CLNK: variants seen among roughly 807,000 people sequenced by gnomAD.
CLNK encodes cytokine dependent hematopoietic cell linker, also known as cytokine-dependent hematopoietic cell linker.
A neutral mutation model predicts 68.6 loss-of-function variants in CLNK; 74 were observed. The observed-to-expected ratio is 1.08, with a 90% CI of 0.89 to 1.31. The LOEUF is 1.31. Ranked by LOEUF, CLNK falls within the 50% of genes most tolerant of loss-of-function variation. The pLI is 0.00. For missense variants in CLNK, 553 were observed against 515.3 expected, an observed-to-expected ratio of 1.07 and a Z score of -0.71; for synonymous variants, 198 against 172.2, an observed-to-expected ratio of 1.15 and a Z score of -1.17.
intron 2 of CLNK, among the ~76,000 whole-genome samples, chr4:10,616,783 TGTGTG>T: frequency 7.9e-5 from 1 of 12,686 alleles, no homozygotes; most frequent in Admixed American, 1.2e-3. Context: ...TATATATGTG[TGTGTG>T]TGTATATATA....
At chr4:10,568,812 C>A (rs1210590462) in intron 5 of CLNK, among the ~76,000 whole-genome samples, 1 of 152,188 alleles carries the variant, frequency 6.6e-6, no homozygotes, top group Non-Finnish European at 1.5e-5. Context: ...AACAGGGGAA[C>A]TAGTTGAGCC....
chr4:10,592,123 A>G (rs1169573150), intron 3 of CLNK, among the ~76,000 whole-genome samples: 1 of 152,246 alleles, frequency 6.6e-6, no homozygotes, highest in Non-Finnish European at 1.5e-5. Context: ...GCATTTAGTA[A>G]ATCTGGACGA....
chr4:10,638,346 T>C (rs190303612), intron 2 of CLNK, among the ~76,000 whole-genome samples: 27 of 152,312 alleles, frequency 1.8e-4, no homozygotes, highest in Non-Finnish European at 2.5e-4. Flanking sequence ...GCTCTACTAA[T>C]AATTACTCTG....
chr4:10,614,490 A>C (rs1175256379), intron 2 of CLNK, among the ~76,000 whole-genome samples: 1 of 152,034 alleles, frequency 6.6e-6, no homozygotes, highest in East Asian at 1.9e-4. Context: ...TGGGATTTGG[A>C]ATTGGCTAAC....
intron 14 of CLNK, among the ~76,000 whole-genome samples, chr4:10,523,368 A>C (rs540755351): frequency 6.6e-6 from 1 of 152,104 alleles, no homozygotes; most frequent in African/African-American, 2.4e-5. Flanking sequence ...GAGCTGAGAG[A>C]GGTGATTTGC....
chr4:10,594,090 C>CTT (rs1721293485), intron 3 of CLNK, among the ~76,000 whole-genome samples: 1 of 152,216 alleles, frequency 6.6e-6, no homozygotes, highest in African/African-American at 2.4e-5. Context: ...TATGTATATA[C>CTT]TTTGCAGTTC....
At chr4:10,570,755 C>G (rs528875271) in intron 5 of CLNK, among the ~76,000 whole-genome samples, 2 of 152,040 alleles carry the variant, frequency 1.3e-5, no homozygotes, top group African/African-American at 4.8e-5. Flanking sequence ...AAATTATATA[C>G]CTATACATTT....
At chr4:10,591,174 A>G (rs962741092) in intron 3 of CLNK, among the ~76,000 whole-genome samples, 7 of 152,194 alleles carry the variant, frequency 4.6e-5, no homozygotes, top group Non-Finnish European at 8.8e-5. Context: ...TTGCAAGAGT[A>G]AAGGATGCTT....
the CLNK span, among the ~76,000 whole-genome samples, chr4:10,711,814 CTG>C: frequency 2.0e-5 from 3 of 152,154 alleles, no homozygotes; most frequent in Admixed American, 6.5e-5. Context: ...CAACATTCTA[CTG>C]AAGTATTTAC....
chr4:10,501,964 C>A (rs1027060319), intron 17 of CLNK, among the ~76,000 whole-genome samples: 2 of 152,148 alleles, frequency 1.3e-5, no homozygotes, highest in Non-Finnish European at 1.5e-5. Context: ...AATCTTTCAT[C>A]ATTTCCTACT....
chr4:10,700,280 C>A, the CLNK span, among the ~76,000 whole-genome samples: 2 of 151,982 alleles, frequency 1.3e-5, no homozygotes, highest in Admixed American at 1.3e-4. Flanking sequence ...GCTTTGGGAG[C>A]GATATGATTA....
At chr4:10,623,121 T>G (rs1274610569) in intron 2 of CLNK, among the ~76,000 whole-genome samples, 1 of 152,190 alleles carries the variant, frequency 6.6e-6, no homozygotes, top group Non-Finnish European at 1.5e-5. Flanking sequence ...TTTTAAATAT[T>G]AATTAAAAAA....
At chr4:10,589,722 G>T (rs190827298) in intron 3 of CLNK, among the ~76,000 whole-genome samples, 7 of 152,312 alleles carry the variant, frequency 4.6e-5, no homozygotes, top group African/African-American at 1.7e-4. Context: ...ACATTGTCTT[G>T]ACACAAGCAA....
chr4:10,588,079 G>T (rs1396621321), intron 3 of CLNK, among the ~76,000 whole-genome samples: 1 of 152,210 alleles, frequency 6.6e-6, no homozygotes, highest in Non-Finnish European at 1.5e-5. Flanking sequence ...CCCAGGACTT[G>T]CAACTCATGA....
At chr4:10,553,051 A>AC (rs1560213457) in intron 8 of CLNK, among the ~76,000 whole-genome samples, 1 of 151,292 alleles carries the variant, frequency 6.6e-6, no homozygotes, top group African/African-American at 2.4e-5. Flanking sequence ...CAGGAAGAGG[A>AC]GGGGGGGGCA....
At chr4:10,541,912 G>T in intron 10 of CLNK, 110 bp downstream of exon 10, 1 of 821,170 alleles carries the variant, frequency 1.2e-6, no homozygotes, top group Non-Finnish European at 1.9e-6. Flanking sequence ...CTCTCACTCT[G>T]AAATCATATT....
At chr4:10,559,914 C>T (rs1339051628) in intron 7 of CLNK, among the ~76,000 whole-genome samples, 1 of 152,062 alleles carries the variant, frequency 6.6e-6, no homozygotes, top group African/African-American at 2.4e-5. Context: ...AATTCTTGTG[C>T]CTTGTAGGAT....
At chr4:10,541,610 ATC>A (rs1719029571) in intron 10 of CLNK, among the ~76,000 whole-genome samples, 1 of 147,150 alleles carries the variant, frequency 6.8e-6, no homozygotes, top group East Asian at 2.0e-4. Context: ...ATATATATAT[ATC>A]TCACATGAAT....
chr4:10,549,430 G>T (rs1428562336), intron 8 of CLNK, among the ~76,000 whole-genome samples: 3 of 152,176 alleles, frequency 2.0e-5, no homozygotes. Context: ...TTAAAGGAGG[G>T]TGAGCTTTGG....
Sources: allele counts gnomAD v4.1 joint callset (sites outside exome capture counted in the v4.1 genomes callset), GRCh38; gene constraint gnomAD v4.1.1; transcripts MANE v1.5; gene names NCBI Gene and HGNC (gene_info 2026-07-23, HGNC 2026-07-21).